Variants in SGIP1 observed in about 807,000 individuals in gnomAD.
The protein encoded by SGIP1 is SH3GL interacting endocytic adaptor 1.
In SGIP1, 38 loss-of-function variants were observed where a neutral mutation model predicts 107.5. That is an observed-to-expected ratio of 0.35 (90% CI 0.27 to 0.46). The LOEUF (loss-of-function observed/expected upper bound fraction) is 0.46. SGIP1 is among the 20% of genes least tolerant of loss of function. The probability of loss-of-function intolerance (pLI) is 1.00; values close to 1 mark genes in which losing one functional copy is unlikely to be tolerated. For synonymous variants in SGIP1, 365 were observed against 366.1 expected, an observed-to-expected ratio of 1.00 and a Z score of 0.03; for missense variants, 929 against 1,019.5, an observed-to-expected ratio of 0.91 and a Z score of 1.21.
At chr1:66,591,056 T>C (rs1557997503) in intron 1 of SGIP1, among the ~76,000 whole-genome samples, 2 of 152,234 alleles carry the variant, frequency 1.3e-5, no homozygotes, top group East Asian at 1.9e-4. Flanking sequence ...TTTTATATCA[T>C]GCACCCACAG....
At chr1:66,552,383 C>T (rs112393610) in intron 1 of SGIP1, among the ~76,000 whole-genome samples, 3,392 of 152,170 alleles carry the variant, frequency 0.022, 117 homozygotes, top group African/African-American at 0.078. Flanking sequence ...CCTTTCTTTT[C>T]TGCACTGTGT....
In SGIP1 at chr1:66,659,950, AAAAGAAAGAAAGAAAGAAAGAAAG is replaced by A. The variant is rs71058469; in HGVS notation, c.460-537_460-514del. The stretch of plus-strand genomic sequence containing the variant: ...AAAAAGAGAGAAAGAAAAAGAAAGA[AAAAGAAAGAAAGAAAGAAAGAAAG>A]AAAGAAAGAAAGAAAGAAAGAAAGA... On this transcript the variant is annotated intron_variant, in intron 7 of 24. Coordinates refer to ENST00000371037, the MANE Select transcript of SGIP1 (RefSeq NM_032291.4). Among the ~76,000 whole-genome samples, 11 of 43,038 alleles carry A rather than the reference AAAAGAAAGAAAGAAAGAAAGAAAG, an allele frequency of 2.6e-4. 2 individuals are homozygous for A. The highest frequency in any genetic ancestry group is 3.3e-4 in the Non-Finnish European group (9 of 27,550). 28.2% of individuals were successfully genotyped at this position (43,038 alleles called of 152,430 possible). A position where few individuals can be genotyped will look rare whatever the true frequency, so the allele number is the denominator to read the frequency against.
chr1:66,602,222 T>C (rs1570426300), intron 1 of SGIP1, among the ~76,000 whole-genome samples: 1 of 152,302 alleles, frequency 6.6e-6, no homozygotes, highest in Non-Finnish European at 1.5e-5. Flanking sequence ...TTTGGGTGGG[T>C]GACAGAAAGA....
At chr1:66,726,789 A>AT (rs576682337) in intron 19 of SGIP1, among the ~76,000 whole-genome samples, 14 of 151,970 alleles carry the variant, frequency 9.2e-5, no homozygotes, top group African/African-American at 2.9e-4. Flanking sequence ...AAACTCAAAG[A>AT]TTTTTTTTTA....
chr1:66,669,569 T>C (rs754106178), intron 9 of SGIP1, among the ~76,000 whole-genome samples: 5 of 152,256 alleles, frequency 3.3e-5, no homozygotes, highest in Non-Finnish European at 7.3e-5. Context: ...ATTTCTGTTA[T>C]CTAATCATTT....
At chr1:66,670,647 A>G (rs1440417302) in intron 9 of SGIP1, among the ~76,000 whole-genome samples, 1 of 152,250 alleles carries the variant, frequency 6.6e-6, no homozygotes, top group Admixed American at 6.5e-5. Context: ...CATCAAATAT[A>G]TGCTAAACTT....
At chr1:66,571,131 T>C (rs917465738) in intron 1 of SGIP1, among the ~76,000 whole-genome samples, 5 of 151,962 alleles carry the variant, frequency 3.3e-5, no homozygotes, top group African/African-American at 1.2e-4. Flanking sequence ...TTAGGCCTTT[T>C]AGAGTAAACT....
chr1:66,618,339 T>A (rs1180832662), intron 1 of SGIP1, among the ~76,000 whole-genome samples: 1 of 152,136 alleles, frequency 6.6e-6, no homozygotes, highest in East Asian at 1.9e-4. Flanking sequence ...TATACACAAA[T>A]AAATATCAAA....
At chr1:66,636,123 A>G (rs2075734895) in intron 4 of SGIP1, 108 bp downstream of exon 4, 2 of 998,066 alleles carry the variant, frequency 2.0e-6, no homozygotes, top group Admixed American at 2.4e-5. Flanking sequence ...TACTCCATTT[A>G]AGAAAACTCT....
At chr1:66,546,436 C>A (rs1384975416) in intron 1 of SGIP1, among the ~76,000 whole-genome samples, 3 of 152,110 alleles carry the variant, frequency 2.0e-5, no homozygotes, top group Non-Finnish European at 1.5e-5. Context: ...AAGAAAGAAC[C>A]AACCACTACT....
intron 7 of SGIP1, among the ~76,000 whole-genome samples, chr1:66,645,626 G>A (rs1270012891): frequency 6.6e-6 from 1 of 152,060 alleles, no homozygotes; most frequent in Non-Finnish European, 1.5e-5. Context: ...GTGAGAACCT[G>A]GATCTCCTAT....
In SGIP1 at chr1:66,634,757, T is replaced by A. The variant is rs1244630448; in HGVS notation, c.100-1187T>A. 2.0e-5 allele frequency among the ~76,000 whole-genome samples: 3 copies of A among 152,256 alleles called. No homozygotes were observed. In the East Asian group the frequency reaches 5.8e-4, roughly 29 times the overall value. ...AGGCTACGTTCAAAATAAATGCACT[T>A]CCTCAGAAACAGGCTTTATAGGTAA... is the stretch of plus-strand genomic sequence containing the variant. On this transcript the variant is annotated intron_variant, in intron 3 of 24. Coordinates refer to ENST00000371037, the MANE Select transcript of SGIP1 (RefSeq NM_032291.4).
intron 7 of SGIP1, among the ~76,000 whole-genome samples, chr1:66,645,460 GA>G (rs1385611448): frequency 1.3e-5 from 2 of 152,098 alleles, no homozygotes; most frequent in South Asian, 2.1e-4. Context: ...AGATTCTGAT[GA>G]AAAAATGTTA....
intron 1 of SGIP1, among the ~76,000 whole-genome samples, chr1:66,538,561 G>A (rs1047692185): frequency 1.3e-5 from 2 of 152,138 alleles, no homozygotes; most frequent in African/African-American, 4.8e-5. Flanking sequence ...GTTGGATGTA[G>A]CACATACACT....
At chr1:66,535,889 G>C (rs2053486882) in intron 1 of SGIP1, among the ~76,000 whole-genome samples, 1 of 93,124 alleles carries the variant, frequency 1.1e-5, no homozygotes, top group Admixed American at 1.3e-4. Context: ...TATTTCTCCA[G>C]CTCAACTTCA....
chr1:66,659,940 AAAAGAAAGAAAAAGAAAGAAAGAAAG>A (rs1218628313), intron 7 of SGIP1, among the ~76,000 whole-genome samples: 613 of 60,456 alleles, frequency 0.01, 62 homozygotes, highest in African/African-American at 0.044. Context: ...GAGAGAAAGA[AAAAGAAAGAAAAAGAAAGAAAGAAAG>A]AAAGAAAGAA....
chr1:66,714,549 C>T (rs1392629977), intron 18 of SGIP1, among the ~76,000 whole-genome samples: 1 of 152,110 alleles, frequency 6.6e-6, no homozygotes. Flanking sequence ...ATGACAGAGC[C>T]ACCCAAATCT....
intron 1 of SGIP1, among the ~76,000 whole-genome samples, chr1:66,588,776 T>C (rs2063096471): frequency 6.6e-6 from 1 of 151,948 alleles, no homozygotes; most frequent in Admixed American, 6.6e-5. Context: ...TCACATTTAG[T>C]TTGTGTCTTA....
At chr1:66,659,996 A>AGAC (rs2080715829) in intron 7 of SGIP1, 6 of 54,736 alleles carry the variant, frequency 1.1e-4, no homozygotes, top group South Asian at 1.4e-3. Flanking sequence ...GAAAGAAAGA[A>AGAC]AGACAGACAG....
Sources: allele counts gnomAD v4.1 joint callset (sites outside exome capture counted in the v4.1 genomes callset), GRCh38; gene constraint gnomAD v4.1.1; transcripts MANE v1.5; gene names NCBI Gene and HGNC (gene_info 2026-07-23, HGNC 2026-07-21).